RGSL1: variants seen among roughly 807,000 people sequenced by gnomAD.
RGSL1 encodes regulator of G protein signaling like 1.
RGSL1 carries 97 observed loss-of-function variants against 124.7 expected under a neutral mutation model. The ratio of observed to expected loss-of-function variants is 0.78; its 90% CI spans 0.66 to 0.92. The LOEUF is 0.92. Among genes scored for constraint, RGSL1 ranks in the 40% least tolerant of loss-of-function variants. The probability of loss-of-function intolerance (pLI) is 0.00; values close to 1 mark genes in which losing one functional copy is unlikely to be tolerated. For synonymous variants in RGSL1, 424 were observed against 438.1 expected, an observed-to-expected ratio of 0.97 and a Z score of 0.40; for missense variants, 1,233 against 1,288.4, an observed-to-expected ratio of 0.96 and a Z score of 0.66.
At chr1:182,532,479 G>A (rs1436258605) in intron 13 of RGSL1, among the ~76,000 whole-genome samples, 183 bp from the exon 14 acceptor site, 4 of 152,070 alleles carry the variant, frequency 2.6e-5, no homozygotes, top group East Asian at 1.9e-4. Context: ...ACTTAATTTC[G>A]GGCAGATTGT....
chr1:182,473,605 C>T lies in RGSL1; in HGVS notation c.494C>T (p.Pro165Leu). 1 of 1,549,010 alleles carries T rather than the reference C, an allele frequency of 6.5e-7. No individual in the cohort carries two copies. Among genetic ancestry groups the T allele is most frequent in the African/African-American group, 1.4e-5 (1 of 73,070 alleles). ...CTCCTGAACCTCTCCATCTGGCATCCCAACCAATCAACCACTAGGAGGGAG... is the reference window on the plus strand; with the variant it reads ...CTCCTGAACCTCTCCATCTGGCATCTCAACCAATCAACCACTAGGAGGGAG... Reference protein sequence around the residue: ...KSLLNLSIWHPNQSTTRREIL... With the variant: ...KSLLNLSIWHLNQSTTRREIL... The change falls in exon 6 of 22, where the codon CCC becomes CTC. Residue 165 changes from proline (P) to leucine (L), a missense_variant. Pro to Leu is a moderately conservative substitution (Grantham distance 98). Transcript: ENST00000294854.
chr1:182,547,211 A>T (rs535269163), intron 15 of RGSL1, among the ~76,000 whole-genome samples: 1 of 152,362 alleles, frequency 6.6e-6, no homozygotes, highest in East Asian at 1.9e-4. Flanking sequence ...AGACACAAAC[A>T]AAAGTTAGGA....
At chr1:182,483,312 G>A (rs1486501811) in intron 6 of RGSL1, among the ~76,000 whole-genome samples, 2 of 152,092 alleles carry the variant, frequency 1.3e-5, no homozygotes, top group Non-Finnish European at 2.9e-5. Context: ...ACTTTTGGAG[G>A]ACAGGTTTGT....
At chr1:182,553,408 A>T in intron 18 of RGSL1, 47 bp from the exon 19 acceptor site, 1 of 1,375,946 alleles carries the variant, frequency 7.3e-7, no homozygotes, top group Non-Finnish European at 1.0e-6. Context: ...TTATTTCAGT[A>T]GGAGTTGTCG....
intron 14 of RGSL1, among the ~76,000 whole-genome samples, chr1:182,538,416 T>C (rs1571687808): frequency 6.6e-6 from 1 of 151,946 alleles, no homozygotes; most frequent in East Asian, 1.9e-4. Flanking sequence ...TAATCCCAGC[T>C]ACTCAGGAGG....
chr1:182,536,956 G>C (rs1345444800), intron 14 of RGSL1, among the ~76,000 whole-genome samples: 2 of 152,164 alleles, frequency 1.3e-5, no homozygotes, highest in Non-Finnish European at 2.9e-5. Flanking sequence ...GCGTTTTTTA[G>C]TGAAGTGTCT....
At chr1:182,504,057 T>A (rs1656616874) in intron 9 of RGSL1, among the ~76,000 whole-genome samples, 1 of 147,416 alleles carries the variant, frequency 6.8e-6, no homozygotes, top group Non-Finnish European at 1.5e-5. Context: ...CTTGGCTCAC[T>A]GCAACCTCTG....
chr1:182,544,165 T>C (rs562365000), intron 15 of RGSL1, among the ~76,000 whole-genome samples: 1 of 152,226 alleles, frequency 6.6e-6, no homozygotes, highest in East Asian at 1.9e-4. Flanking sequence ...GTACTGCTTT[T>C]GTTGTATCCC....
At chr1:182,536,868 C>A (rs1191466356) in intron 14 of RGSL1, among the ~76,000 whole-genome samples, 2 of 152,156 alleles carry the variant, frequency 1.3e-5, no homozygotes, top group Non-Finnish European at 2.9e-5. Flanking sequence ...CACCAGGTTC[C>A]TCCCACAACA....
intron 9 of RGSL1, among the ~76,000 whole-genome samples, chr1:182,511,415 C>T (rs961053596): frequency 6.6e-5 from 10 of 152,194 alleles, no homozygotes; most frequent in Non-Finnish European, 8.8e-5. Flanking sequence ...CTGCCCGTCT[C>T]GGCTTCCCTA....
intron 2 of RGSL1, among the ~76,000 whole-genome samples, chr1:182,454,789 C>T (rs1652161147): frequency 6.6e-6 from 1 of 152,208 alleles, no homozygotes; most frequent in African/African-American, 2.4e-5. Flanking sequence ...AAACCTCAAA[C>T]ATCAAAGTAT....
At chr1:182,520,988 T>G (rs2102234182) in intron 9 of RGSL1, among the ~76,000 whole-genome samples, 1 of 152,342 alleles carries the variant, frequency 6.6e-6, no homozygotes, top group African/African-American at 2.4e-5. Context: ...TGTTTTCTTC[T>G]GCAATATTAA....
chr1:182,542,337 G>T (rs1017624286), intron 15 of RGSL1, among the ~76,000 whole-genome samples: 4 of 152,042 alleles, frequency 2.6e-5, no homozygotes, highest in South Asian at 2.1e-4. Flanking sequence ...CCCCCATTGC[G>T]CATTCTTGCC....
intron 4 of RGSL1, chr1:182,471,256 C>T (rs1173702262): frequency 2.2e-6 from 1 of 457,442 alleles, no homozygotes; most frequent in Admixed American, 2.3e-5. Context: ...CATTCTCCCT[C>T]TCTTATGGTG....
At chr1:182,535,366 A>T (rs1377737470) in intron 14 of RGSL1, among the ~76,000 whole-genome samples, 1 of 152,082 alleles carries the variant, frequency 6.6e-6, no homozygotes, top group Admixed American at 6.5e-5. Flanking sequence ...CTTAAGCCAG[A>T]GTGTGTGTGT....
At chr1:182,489,522 C>T (rs184832544) in intron 8 of RGSL1, among the ~76,000 whole-genome samples, 5 of 152,314 alleles carry the variant, frequency 3.3e-5, no homozygotes, top group African/African-American at 1.2e-4. Flanking sequence ...ATAGTTGATG[C>T]TGAATACTTC....
chr1:182,530,848 G>T lies in RGSL1; in HGVS notation c.2302G>T (p.Glu768Ter). The change falls in exon 13 of 22, where the codon GAA (glutamate) becomes TAA (stop). Residue 768 changes from glutamate (E) to a stop codon, truncating the protein, a stop_gained. Coordinates refer to ENST00000294854, the MANE Select transcript of RGSL1 (RefSeq NM_001137669.2). LOFTEE classifies it high-confidence loss of function. ...PHHQEVEVQSEVQISSRKPSK... is the reference protein window; with the variant it reads ...PHHQEVEVQS ...CCATCAGGAGGTGGAAGTGCAAAGT[G>T]AAGTACAAATTTCGTCTAGGAAGCC... 1 of 1,550,292 alleles carries T rather than the reference G, an allele frequency of 6.5e-7. No homozygotes were observed. Among genetic ancestry groups the T allele is most frequent in the Non-Finnish European group, 8.7e-7 (1 of 1,146,216 alleles).
chr1:182,478,945 T>C (rs1045387732), intron 6 of RGSL1, among the ~76,000 whole-genome samples: 4 of 152,090 alleles, frequency 2.6e-5, no homozygotes, highest in African/African-American at 9.7e-5. Context: ...TTCAATATGC[T>C]GAAGGAAAGA....
chr1:182,547,881 G>T (rs1273339532), intron 15 of RGSL1, among the ~76,000 whole-genome samples: 1 of 152,092 alleles, frequency 6.6e-6, no homozygotes, highest in South Asian at 2.1e-4. Flanking sequence ...TGTTCTACTG[G>T]CTTCCCATTA....
Sources: gnomAD v4.1 joint callset for allele counts (sites outside exome capture counted in the v4.1 genomes callset) on GRCh38, gnomAD v4.1.1 for gene constraint, MANE v1.5 for transcripts, NCBI Gene and HGNC (gene_info 2026-07-23, HGNC 2026-07-21) for gene names.